Variants in MYH6 observed in about 807,000 individuals in gnomAD.
MYH6 encodes myosin-6.
A neutral mutation model predicts 223.2 loss-of-function variants in MYH6; 126 were observed. The observed-to-expected ratio is 0.56, with a 90% CI of 0.49 to 0.65. The LOEUF (loss-of-function observed/expected upper bound fraction) is 0.65. Ranked by LOEUF, MYH6 falls within the 30% of genes least tolerant of loss-of-function variation. The pLI is 0.00. For missense variants in MYH6, 2,040 were observed against 2,536.4 expected (o/e 0.80, Z 4.20); for synonymous variants, 978 against 1,010.2 (o/e 0.97, Z 0.61).
intron 23 of MYH6, 98 bp downstream of exon 23, chr14:23,393,244 G>T: frequency 6.6e-7 from 1 of 1,523,312 alleles, no homozygotes; most frequent in Non-Finnish European, 9.1e-7. Context: ...AGCTTCAGGG[G>T]CCATAGAAGT....
chr14:23,388,728 C>T (rs1891124511), intron 29 of MYH6, 131 bp downstream of exon 29: 2 of 1,357,270 alleles, frequency 1.5e-6, no homozygotes, highest in Non-Finnish European at 2.1e-6. Flanking sequence ...TTCTTCCAAG[C>T]ACTTCTGTTG....
chr14:23,394,407 A>G, intron 20 of MYH6, 84 bp from the exon 21 acceptor site: 1 of 1,558,854 alleles, frequency 6.4e-7, no homozygotes, highest in Non-Finnish European at 8.7e-7. Context: ...GTTCGTAGGC[A>G]CGTAGACTTC....
chr14:23,384,453 G>C lies in MYH6; in HGVS notation c.5554C>G (p.Leu1852Val). 6.2e-7 allele frequency: 1 copy of C among 1,610,928 alleles called. No homozygotes were observed. The highest frequency in any genetic ancestry group is 8.5e-7 in the Non-Finnish European group (1 of 1,180,028). The change falls in exon 36 of 39, where the codon CTC becomes GTC. Residue 1852 changes from leucine (L) to valine (V), a missense_variant. Around this residue, in one of 4 missense-constraint regions of MYH6, gnomAD observed 1,203 missense variants for 1,400.2 expected, o/e 0.86. Coordinates refer to ENST00000405093, the MANE Select transcript of MYH6 (RefSeq NM_002471.4). ...GGCGTCCGCCGCACCTGGTAGGTGA[G>C]CTCCTTGATGCGCCGCTCGCTCTTC... ...MRKSERRIKE[L>V]TYQTEEDKKN...
chr14:23,383,313 T>C lies in MYH6; in HGVS notation c.5573A>G (p.Glu1858Gly), dbSNP rs2138579474. Reference protein sequence around the residue: ...RIKELTYQTEEDKKNLLRLQD... With the variant: ...RIKELTYQTEGDKKNLLRLQD... ...TAGCCGCAGCAGGTTCTTTTTGTCT[T>C]CCTCTGTCTGGGGGTGGGAGGGTGG... is the stretch of plus-strand genomic sequence containing the variant. Residue 1858 changes from glutamate (E) to glycine (G), a missense_variant, in exon 37 of 39, where the codon GAA (glutamate) becomes GGA (glycine). Physicochemically the swap from Glu to Gly is moderately conservative, Grantham distance 98. Around this residue, in one of 4 missense-constraint regions of MYH6, gnomAD observed 1,203 missense variants for 1,400.2 expected, o/e 0.86. Coordinates refer to ENST00000405093, the MANE Select transcript of MYH6 (RefSeq NM_002471.4). 1.9e-6 allele frequency: 1 copy of C among 520,076 alleles called. No individual in the cohort carries two copies. 32.2% of individuals were successfully genotyped at this position (520,076 alleles called of 1,614,324 possible).
At chr14:23,384,329 A>G in intron 36 of MYH6, 113 bp downstream of exon 36, 2 of 1,530,280 alleles carry the variant, frequency 1.3e-6, no homozygotes, top group Non-Finnish European at 8.9e-7. Context: ...GAAGAACGTT[A>G]AATCTACCAA....
Position 23,407,438 on chromosome 14 carries a change from T to A in MYH6, c.-14+138A>T. The A allele has an allele frequency of 8.8e-7, 1 of 1,136,014 alleles. No individual in the cohort carries two copies. The highest frequency in any genetic ancestry group is 1.2e-6 in the Non-Finnish European group (1 of 825,980). The allele number at this position is 1,136,014 out of a possible 1,614,324, so 70.4% of individuals were successfully genotyped here. ...GCTGAAGGACAATCTCTGTAAGGGG[T>A]TTCCCTGGGGTGGCATTGGCTGGAG... On this transcript the variant is annotated intron_variant, in intron 2 of 38. Coordinates refer to ENST00000405093, the MANE Select transcript of MYH6 (RefSeq NM_002471.4). This position sits in a 1 kb window ranked among gnomAD's most constrained non-coding sequence, Gnocchi z 5.6.
chr14:23,393,186 C>A (rs1284324812), intron 23 of MYH6, 129 bp from the exon 24 acceptor site: 1 of 1,486,238 alleles, frequency 6.7e-7, no homozygotes, highest in African/African-American at 1.4e-5. Flanking sequence ...CCTGCAAGCA[C>A]AAAGGATTCA....
In MYH6 at chr14:23,407,716, GC is replaced by G; in HGVS notation, c.-46-109del. 1.3e-6 allele frequency: 1 copy of G among 778,820 alleles called. No individual in the cohort carries two copies. Among genetic ancestry groups the G allele is most frequent in the Non-Finnish European group, 1.6e-6 (1 of 620,760 alleles). The allele number at this position is 778,820 out of a possible 1,614,324, so 48.2% of individuals were successfully genotyped here. On this transcript the variant is annotated intron_variant, in intron 1 of 38. Transcript: ENST00000405093. This position sits in a 1 kb window ranked among gnomAD's most constrained non-coding sequence, Gnocchi z 5.6. ...GGCAGGCCACCCGGGGATGGAGGCA[GC>G]CCCAGAGCGCAGACAGGCAGGACAG...
At chr14:23,396,214 C>T in intron 20 of MYH6, 70 bp downstream of exon 20, 1 of 1,608,664 alleles carries the variant, frequency 6.2e-7, no homozygotes, top group Non-Finnish European at 8.5e-7. Context: ...GTCTTCTGAC[C>T]CACACTAGTT....
chr14:23,396,982 A>G lies in MYH6; in HGVS notation c.2149T>C (p.Tyr717His). The G allele has an allele frequency of 6.2e-7, 1 of 1,613,244 alleles. No individual in the cohort carries two copies. The highest frequency in any genetic ancestry group is 8.5e-7 in the Non-Finnish European group (1 of 1,180,028). Residue 717 changes from tyrosine (Y) to histidine (H), a missense_variant, in exon 18 of 39, where the codon TAC becomes CAC. Tyr to His is a moderately conservative substitution (Grantham distance 83, BLOSUM62 2). This residue lies in a region of MYH6 where 649 missense variants were observed against 877.3 expected (regional missense o/e 0.74). Transcript: ENST00000405093. ...CRKGFPNRILYGDFRQRYRIL... is the reference protein window; with the variant it reads ...CRKGFPNRILHGDFRQRYRIL... ...ACCCACCTCTGCCGGAAGTCCCCGT[A>G]GAGGATGCGGTTGGGGAAGCCCTTC...
At chr14:23,393,561 A>G (rs1463657808) in intron 22 of MYH6, 43 bp from the exon 23 acceptor site, 1 of 1,613,860 alleles carries the variant, frequency 6.2e-7, no homozygotes, top group African/African-American at 1.3e-5. Flanking sequence ...AAAGATCACC[A>G]GCCTGGAGAC....
chr14:23,397,961 C>CTTCTTCTAT (rs1566512540), intron 15 of MYH6, among the ~76,000 whole-genome samples: 10 of 120,888 alleles, frequency 8.3e-5, no homozygotes, highest in Non-Finnish European at 1.5e-4. Flanking sequence ...TCTTCTTCTT[C>CTTCTTCTAT]TTCTTCTTCT....
In MYH6 at chr14:23,396,693, C is replaced by A. The variant is rs771569935; in HGVS notation, c.2292+1G>T. The stretch of plus-strand genomic sequence containing the variant: ...ACCACCCAGTGGGGCTCTAGACTCA[C>A]CTTGGTGTGGCCAAACTTGTACTGG... On this transcript the variant is annotated splice_donor_variant, in intron 19 of 38. Coordinates refer to ENST00000405093, the MANE Select transcript of MYH6 (RefSeq NM_002471.4). LOFTEE classifies it high-confidence loss of function. 9.9e-6 allele frequency: 16 copies of A among 1,614,040 alleles called. No individual in the cohort carries two copies. The highest frequency in any genetic ancestry group is 1.4e-5 in the Non-Finnish European group (16 of 1,179,882).
intron 25 of MYH6, among the ~76,000 whole-genome samples, chr14:23,391,525 A>G (rs1456616257): frequency 6.6e-6 from 1 of 152,232 alleles, no homozygotes; most frequent in Non-Finnish European, 1.5e-5. Flanking sequence ...AAGGCGGGCC[A>G]GTCCCTGTGC....
chr14:23,386,104 C>T lies in MYH6; in HGVS notation c.4987G>A (p.Val1663Ile), dbSNP rs200295909. Reference sequence around the variant, plus strand: ...TCCTTCAGGTCGTCGTTGGCACGGACCGCATCGTCCAGCTGGATCTGGGTG... The same window carrying T: ...TCCTTCAGGTCGTCGTTGGCACGGATCGCATCGTCCAGCTGGATCTGGGTG... ...KDTQIQLDDA[V>I]RANDDLKENI... The change falls in exon 34 of 39, where the codon GTC (valine) becomes ATC (isoleucine). Residue 1663 changes from valine (V) to isoleucine (I), a missense_variant. Physicochemically the swap from Val to Ile is conservative, Grantham distance 29. This residue lies in a region of MYH6 where 1,203 missense variants were observed against 1,400.2 expected (regional missense o/e 0.86). Coordinates refer to ENST00000405093, the MANE Select transcript of MYH6 (RefSeq NM_002471.4). The T allele has an allele frequency of 6.2e-7, 1 of 1,614,220 alleles. No individual in the cohort carries two copies. The highest frequency in any genetic ancestry group is 1.7e-5 in the Admixed American group (1 of 60,028).
At chr14:23,388,081 G>A (rs1891093687) in intron 30 of MYH6, 74 bp downstream of exon 30, 2 of 1,610,664 alleles carry the variant, frequency 1.2e-6, no homozygotes, top group South Asian at 1.1e-5. Context: ...CAAGGAGGTT[G>A]CCTTTGGCCT....
chr14:23,403,369 T>A lies in MYH6; in HGVS notation c.877A>T (p.Asn293Tyr), dbSNP rs2138616746. The change falls in exon 10 of 39, where the codon AAC becomes TAC. Residue 293 changes from asparagine to tyrosine, a missense_variant. By Grantham distance (143) the Asn-to-Tyr change is moderately radical. Around this residue, in one of 4 missense-constraint regions of MYH6, gnomAD observed 649 missense variants for 877.3 expected, o/e 0.74. Coordinates refer to ENST00000405093, the MANE Select transcript of MYH6 (RefSeq NM_002471.4). Reference sequence around the variant, plus strand: ...TCACCCAGCAACTCCGGCTTCTTGTTGGACAGAATCTGGTAGAAGATGTGG... The same window carrying A: ...TCACCCAGCAACTCCGGCTTCTTGTAGGACAGAATCTGGTAGAAGATGTGG... ...NYHIFYQILS[N>Y]KKPELLDMLL... 1 of 1,614,088 alleles carries A rather than the reference T, an allele frequency of 6.2e-7. No individual in the cohort carries two copies. The highest frequency in any genetic ancestry group is 8.5e-7 in the Non-Finnish European group (1 of 1,179,990).
In MYH6 at chr14:23,384,468, G is replaced by T; in HGVS notation, c.5539C>A (p.Arg1847=). Reference sequence around the variant, plus strand: ...TGGTAGGTGAGCTCCTTGATGCGCCGCTCGCTCTTCCTCATGCCCTTCACC... The same window carrying T: ...TGGTAGGTGAGCTCCTTGATGCGCCTCTCGCTCTTCCTCATGCCCTTCACC... ...ESVKGMRKSE[R]RIKELTYQTE... Residue 1847 remains arginine (R), a synonymous_variant, in exon 36 of 39, where the codon CGG becomes AGG. Transcript: ENST00000405093. 1 of 1,611,806 alleles carries T rather than the reference G, an allele frequency of 6.2e-7. No homozygotes were observed.
At chr14:23,382,140 CAGAGGCCTA>C in intron 38 of MYH6, 77 bp from the exon 39 acceptor site, 5 of 1,413,908 alleles carry the variant, frequency 3.5e-6, no homozygotes, top group Non-Finnish European at 5.0e-6. Flanking sequence ...CTGGGGCTTT[CAGAGGCCTA>C]AGGGAGATGC....
Sources: gnomAD v4.1 joint callset for allele counts (sites outside exome capture counted in the v4.1 genomes callset) on GRCh38, gnomAD v4.1.1 for gene constraint, gnomAD v4.1.1 regional missense constraint, Gnocchi (gnomAD v3.1) non-coding constraint, MANE v1.5 for transcripts, NCBI Gene and HGNC (gene_info 2026-07-23, HGNC 2026-07-21) for gene names.